PRORP: variants seen among roughly 807,000 people sequenced by gnomAD.
PRORP encodes protein only RNase P catalytic subunit, also known as mitochondrial ribonuclease P catalytic subunit.
In PRORP, 51 loss-of-function variants were observed where a neutral mutation model predicts 59.4. That is an observed-to-expected ratio of 0.86 (90% CI 0.69 to 1.08). The LOEUF (loss-of-function observed/expected upper bound fraction) is 1.08. PRORP is among the 50% of genes least tolerant of loss of function. PRORP has a pLI of 0.00. For synonymous variants in PRORP, 231 were observed against 245.6 expected (o/e 0.94, Z 0.55); for missense variants, 646 against 690.3 (o/e 0.94, Z 0.72).
intron 5 of PRORP, among the ~76,000 whole-genome samples, chr14:35,231,999 T>C (rs2050093378): frequency 6.6e-6 from 1 of 152,220 alleles, no homozygotes; most frequent in Non-Finnish European, 1.5e-5. Context: ...TGAACTCTGT[T>C]TCTGTTAATT....
At chr14:35,268,588 G>A (rs1036469953) in intron 6 of PRORP, among the ~76,000 whole-genome samples, 5 of 152,034 alleles carry the variant, frequency 3.3e-5, no homozygotes, top group Non-Finnish European at 7.4e-5. Flanking sequence ...AGATTTGTCA[G>A]TATTCTCCAA....
chr14:35,243,753 A>G (rs1352699827), intron 5 of PRORP, among the ~76,000 whole-genome samples: 1 of 152,160 alleles, frequency 6.6e-6, no homozygotes, highest in Non-Finnish European at 1.5e-5. Flanking sequence ...CAGTTTCCCC[A>G]TAAGTAAAAG....
intron 5 of PRORP, among the ~76,000 whole-genome samples, chr14:35,210,750 C>CTTTTTTTTTT (rs71435870): frequency 2.9e-5 from 1 of 34,084 alleles, no homozygotes; most frequent in Non-Finnish European, 5.0e-5. Flanking sequence ...TTTCTTTTGC[C>CTTTTTTTTTT]TTTTTTTTTT....
chr14:35,222,847 A>C (rs1316879712), intron 5 of PRORP: 1 of 152,222 alleles, frequency 6.6e-6, no homozygotes, highest in African/African-American at 2.4e-5. Context: ...TAATAAATGA[A>C]TCTCTACCTG....
In PRORP at chr14:35,124,150, T is replaced by C. The variant is rs750283477; in HGVS notation, c.905T>C (p.Leu302Pro). 4 of 1,606,692 alleles carry C rather than the reference T, an allele frequency of 2.5e-6. No homozygotes were observed. In the South Asian group the frequency reaches 3.3e-5, roughly 13 times the overall value. The change falls in exon 2 of 8, where the codon CTA (leucine) becomes CCA (proline). Residue 302 changes from leucine to proline, a missense_variant. Physicochemically the swap from Leu to Pro is moderately conservative, Grantham distance 98 (BLOSUM62 -3). Transcript: ENST00000534898. ...GATGATAACTATTCAAATAAACTAC[T>C]AGATATTCTTTCATATCTAAGAAAT... ...IKDDNYSNKL[L>P]DILSYLRNNQ...
chr14:35,150,931 T>G (rs1415897900), intron 4 of PRORP, among the ~76,000 whole-genome samples: 1 of 152,250 alleles, frequency 6.6e-6, no homozygotes, highest in African/African-American at 2.4e-5. Flanking sequence ...TTGACTTTTC[T>G]TGTGCTAAGG....
Position 35,123,526 on chromosome 14 carries a change from C to T in PRORP, c.281C>T (p.Ser94Leu). Reference sequence around the variant, plus strand: ...TTAGCTGGAGCAGCTAAGGAGAGATCACAGATGAATTCTCAAACTGAAGAT... The same window carrying T: ...TTAGCTGGAGCAGCTAAGGAGAGATTACAGATGAATTCTCAAACTGAAGAT... Reference protein sequence around the residue: ...FFLAGAAKERSQMNSQTEDHA... With the variant: ...FFLAGAAKERLQMNSQTEDHA... Residue 94 changes from serine (S) to leucine (L), a missense_variant, in exon 2 of 8, where the codon TCA becomes TTA. Ser to Leu is a moderately radical substitution (Grantham distance 145, BLOSUM62 -2). Transcript: ENST00000534898. 1.2e-6 allele frequency: 2 copies of T among 1,614,114 alleles called. No individual in the cohort carries two copies. The highest frequency in any genetic ancestry group is 1.7e-6 in the Non-Finnish European group (2 of 1,180,030).
chr14:35,175,376 T>C (rs35551818), intron 4 of PRORP, among the ~76,000 whole-genome samples: 27,712 of 150,018 alleles, frequency 0.18, 3,084 homozygotes, highest in Non-Finnish European at 0.26. Context: ...AAAAGTGTTC[T>C]TACTTCTCCA....
At chr14:35,185,342 A>C (rs553664925) in intron 5 of PRORP, among the ~76,000 whole-genome samples, 14 of 152,168 alleles carry the variant, frequency 9.2e-5, no homozygotes, top group African/African-American at 3.4e-4. Context: ...GTTTTTGTTC[A>C]TGTCCTTTGC....
At chr14:35,167,919 G>A (rs2048224718) in intron 4 of PRORP, among the ~76,000 whole-genome samples, 1 of 152,210 alleles carries the variant, frequency 6.6e-6, no homozygotes, top group African/African-American at 2.4e-5. Flanking sequence ...CTATATCCAT[G>A]TGCTGCAGAC....
At chr14:35,265,995 G>A (rs1279274901) in intron 5 of PRORP, among the ~76,000 whole-genome samples, 10 of 142,622 alleles carry the variant, frequency 7.0e-5, no homozygotes, top group African/African-American at 2.7e-4. Context: ...GGGCAGGATC[G>A]TGAGATCCCA....
chr14:35,169,744 G>A (rs554798655), intron 4 of PRORP, among the ~76,000 whole-genome samples: 11 of 152,286 alleles, frequency 7.2e-5, no homozygotes, highest in Admixed American at 2.6e-4. Flanking sequence ...GGGACACAAA[G>A]CCAAACCATA....
At chr14:35,258,188 C>T (rs2050806484) in intron 5 of PRORP, among the ~76,000 whole-genome samples, 1 of 152,092 alleles carries the variant, frequency 6.6e-6, no homozygotes. Flanking sequence ...GACAGGGTCT[C>T]ACCATGTTGC....
intron 5 of PRORP, among the ~76,000 whole-genome samples, chr14:35,207,532 T>C (rs1172886253): frequency 6.6e-6 from 1 of 152,246 alleles, no homozygotes; most frequent in African/African-American, 2.4e-5. Context: ...TCCATGTTGC[T>C]ACAGCCTTCC....
chr14:35,145,108 C>CTA lies in PRORP; in HGVS notation c.1167+17498_1167+17499dup, dbSNP rs1366200324. ...ACCTTAGCCTCTTGAGTAGCTAAGA[C>CTA]TACAGGCACACACCACCACGACCAG... On this transcript the variant is annotated intron_variant, in intron 4 of 7. Coordinates refer to ENST00000534898, the MANE Select transcript of PRORP (RefSeq NM_014672.4). 8.3e-5 allele frequency among the ~76,000 whole-genome samples: 12 copies of CTA among 144,890 alleles called. 1 individual carries two copies. In the East Asian group the frequency reaches 2.6e-3, roughly 32 times the overall value.
chr14:35,185,133 C>G (rs1248714168), intron 5 of PRORP, among the ~76,000 whole-genome samples: 3 of 152,156 alleles, frequency 2.0e-5, no homozygotes, highest in African/African-American at 7.2e-5. Flanking sequence ...CATTTACACT[C>G]CCACCAACAG....
chr14:35,141,743 G>T lies in PRORP; in HGVS notation c.1167+14132G>T, dbSNP rs1436464730. On this transcript the variant is annotated intron_variant, in intron 4 of 7. Coordinates refer to ENST00000534898, the MANE Select transcript of PRORP (RefSeq NM_014672.4). ...TCATGACCACTTTTTTTTTGACAGG[G>T]TCTTGCTCTGTCACCTAAGCTGGAG... 1.4e-5 allele frequency among the ~76,000 whole-genome samples: 2 copies of T among 144,772 alleles called. 1 individual carries two copies. Among genetic ancestry groups the T allele is most frequent in the South Asian group, 4.5e-4 (2 of 4,404 alleles). The allele number at this position is 144,772 out of a possible 152,430, so 95.0% of individuals were successfully genotyped here. A position where few individuals can be genotyped will look rare whatever the true frequency, so the allele number is the denominator to read the frequency against.
intron 4 of PRORP, among the ~76,000 whole-genome samples, chr14:35,153,422 A>G (rs2047833464): frequency 6.6e-6 from 1 of 150,766 alleles, no homozygotes; most frequent in Non-Finnish European, 1.5e-5. Context: ...AGGGATCTCT[A>G]ATTTTTGTGA....
At chr14:35,121,900 ACT>A (rs2046915073), upstream of PRORP, 2 of 1,613,730 alleles carry the variant, frequency 1.2e-6, no homozygotes, top group Admixed American at 1.7e-5. Flanking sequence ...CCCAAAACTC[ACT>A]GTTTGGACAG....
Sources: gnomAD v4.1 joint callset for allele counts (sites outside exome capture counted in the v4.1 genomes callset) on GRCh38, gnomAD v4.1.1 for gene constraint, MANE v1.5 for transcripts, NCBI Gene and HGNC (gene_info 2026-07-23, HGNC 2026-07-21) for gene names.